The following FHIT variants were observed in gnomAD, a reference collection of about 807,000 sequenced individuals.
FHIT encodes the protein fragile histidine triad diadenosine triphosphatase.
A neutral mutation model predicts 17.9 loss-of-function variants in FHIT; 19 were observed. The ratio of observed to expected loss-of-function variants is 1.06; its 90% CI spans 0.74 to 1.56. FHIT has a LOEUF of 1.56. FHIT is among the 40% of genes most tolerant of loss of function. The pLI is 0.00. For missense variants in FHIT, 248 were observed against 189.2 expected, an observed-to-expected ratio of 1.31 and a Z score of -1.82; for synonymous variants, 81 against 69.7, an observed-to-expected ratio of 1.16 and a Z score of -0.81.
chr3:61,207,772 C>A (rs2039299009), intron 1 of FHIT, among the ~76,000 whole-genome samples: 2 of 152,080 alleles, frequency 1.3e-5, no homozygotes, highest in Non-Finnish European at 2.9e-5. Context: ...AAAACCAGCT[C>A]CTGGATTCAT....
At chr3:60,639,427 G>A (rs568199720) in intron 4 of FHIT, among the ~76,000 whole-genome samples, 1 of 152,174 alleles carries the variant, frequency 6.6e-6, no homozygotes, top group Non-Finnish European at 1.5e-5. Context: ...AAACGAAGGA[G>A]CCATTTTGTC....
chr3:61,172,994 G>C (rs945979185), intron 2 of FHIT, among the ~76,000 whole-genome samples: 4 of 152,156 alleles, frequency 2.6e-5, no homozygotes, highest in African/African-American at 9.7e-5. Context: ...CAATGAAACA[G>C]GGCAGCAACT....
At chr3:60,280,822 C>T (rs1707392978) in intron 5 of FHIT, among the ~76,000 whole-genome samples, 1 of 151,690 alleles carries the variant, frequency 6.6e-6, no homozygotes, top group African/African-American at 2.4e-5. Flanking sequence ...AATGGAAGAC[C>T]TAGGTAAAAG....
At chr3:59,921,207 C>T (rs1047750322) in intron 8 of FHIT, among the ~76,000 whole-genome samples, 4 of 152,182 alleles carry the variant, frequency 2.6e-5, no homozygotes, top group Non-Finnish European at 4.4e-5. Context: ...ATTAATTATA[C>T]GTTTCATTAT....
intron 3 of FHIT, among the ~76,000 whole-genome samples, chr3:60,936,173 T>A (rs1708184369): frequency 3.3e-5 from 5 of 152,196 alleles, no homozygotes; most frequent in Admixed American, 3.3e-4. Flanking sequence ...ATATATGCTG[T>A]ACATGGTACA....
intron 4 of FHIT, among the ~76,000 whole-genome samples, chr3:60,638,686 T>C (rs550095969): frequency 1.2e-4 from 18 of 152,252 alleles, no homozygotes; most frequent in African/African-American, 4.3e-4. Context: ...CCCTATGATA[T>C]ATTAATGTTA....
chr3:60,621,382 C>T (rs530534946), intron 4 of FHIT, among the ~76,000 whole-genome samples: 3 of 151,980 alleles, frequency 2.0e-5, no homozygotes, highest in Non-Finnish European at 2.9e-5. Flanking sequence ...AACTCCTGAC[C>T]TCATGATCTG....
chr3:59,936,269 TA>T (rs1217892619), intron 7 of FHIT, among the ~76,000 whole-genome samples: 1 of 152,126 alleles, frequency 6.6e-6, no homozygotes, highest in East Asian at 1.9e-4. Context: ...GAAGAATATC[TA>T]TTTTTTTATT....
chr3:60,255,139 G>C (rs1364646274), intron 5 of FHIT, among the ~76,000 whole-genome samples: 1 of 152,126 alleles, frequency 6.6e-6, no homozygotes, highest in East Asian at 1.9e-4. Flanking sequence ...AGAATAAAGT[G>C]TCATGAGAAT....
At chr3:60,598,114 G>C (rs1201286422) in intron 4 of FHIT, among the ~76,000 whole-genome samples, 2 of 152,166 alleles carry the variant, frequency 1.3e-5, no homozygotes, top group African/African-American at 4.8e-5. Context: ...ATCGAAGTTA[G>C]ATAGCAGCAA....
At chr3:60,172,331 T>C (rs1320843801) in intron 5 of FHIT, among the ~76,000 whole-genome samples, 3 of 152,134 alleles carry the variant, frequency 2.0e-5, no homozygotes, top group Non-Finnish European at 4.4e-5. Context: ...AATGGCACAA[T>C]CTCAGCTCAC....
intron 5 of FHIT, among the ~76,000 whole-genome samples, chr3:60,438,247 A>G (rs1340347618): frequency 6.6e-6 from 1 of 152,028 alleles, no homozygotes; most frequent in East Asian, 1.9e-4. Context: ...TGCTGATGAT[A>G]ATAGTGAAAA....
chr3:61,023,944 G>A (rs959935621), intron 3 of FHIT, among the ~76,000 whole-genome samples: 1 of 152,086 alleles, frequency 6.6e-6, no homozygotes, highest in Non-Finnish European at 1.5e-5. Context: ...CATGGGCAAA[G>A]ACTTCATGAC....
At chr3:60,958,183 C>T (rs1709259880) in intron 3 of FHIT, among the ~76,000 whole-genome samples, 2 of 152,150 alleles carry the variant, frequency 1.3e-5, no homozygotes, top group Admixed American at 1.3e-4. Flanking sequence ...ACAGCACCTC[C>T]TGTCAGTTTG....
intron 4 of FHIT, among the ~76,000 whole-genome samples, chr3:60,797,144 C>T (rs1202086815): frequency 6.6e-6 from 1 of 152,162 alleles, no homozygotes. Context: ...CACATCAGGG[C>T]TTCTGTGGCT....
At chr3:60,118,790 G>T (rs1187680020) in intron 5 of FHIT, among the ~76,000 whole-genome samples, 1 of 142,652 alleles carries the variant, frequency 7.0e-6, no homozygotes, top group Non-Finnish European at 1.5e-5. Context: ...GGGGGGGGTG[G>T]TGAATCACCT....
chr3:60,437,373 C>G (rs1191200964), intron 5 of FHIT, among the ~76,000 whole-genome samples: 1 of 152,078 alleles, frequency 6.6e-6, no homozygotes, highest in African/African-American at 2.4e-5. Context: ...ATAAAATTCT[C>G]TCTATATGTT....
chr3:60,914,214 G>C (rs1479711909), intron 3 of FHIT, among the ~76,000 whole-genome samples: 2 of 151,992 alleles, frequency 1.3e-5, no homozygotes, highest in African/African-American at 4.8e-5. Flanking sequence ...GGGAGCATAA[G>C]GAATTTTAAG....
At chr3:60,573,763 C>G (rs112532847) in intron 4 of FHIT, among the ~76,000 whole-genome samples, 6,270 of 152,038 alleles carry the variant, frequency 0.041, 426 homozygotes, top group African/African-American at 0.14. Flanking sequence ...ACGAAAGAGT[C>G]TGCTATTGGT....
Sources: allele counts gnomAD v4.1 joint callset (sites outside exome capture counted in the v4.1 genomes callset), GRCh38; gene constraint gnomAD v4.1.1; transcripts MANE v1.5; gene names NCBI Gene and HGNC (gene_info 2026-07-23, HGNC 2026-07-21).